Variants in TAS2R1 observed in about 807,000 individuals in gnomAD.
The protein encoded by TAS2R1 is taste 2 receptor member 1, also known as taste receptor type 2 member 1.
For missense variants in TAS2R1, 370 were observed against 353.4 expected (o/e 1.05, Z -0.38); for synonymous variants, 141 against 134.2 (o/e 1.05, Z -0.35).
At chr5:9,882,970 C>T in the TAS2R1 span, among the ~76,000 whole-genome samples, 1,666 of 152,260 alleles carry the variant, frequency 0.011, 32 homozygotes, top group African/African-American at 0.038. Flanking sequence ...GACATTGGAT[C>T]ATCCCAAACA....
chr5:9,854,813 C>T, the TAS2R1 span, among the ~76,000 whole-genome samples: 1 of 152,104 alleles, frequency 6.6e-6, no homozygotes, highest in African/African-American at 2.4e-5. Flanking sequence ...AATAAAGGCC[C>T]ATTGATCTTT....
the TAS2R1 span, among the ~76,000 whole-genome samples, chr5:9,754,472 C>T: frequency 3.9e-5 from 6 of 152,180 alleles, no homozygotes; most frequent in Admixed American, 6.5e-5. Context: ...TCCCTGTTTG[C>T]AGACGACATG....
the TAS2R1 span, among the ~76,000 whole-genome samples, chr5:9,829,546 A>T: frequency 1.3e-5 from 2 of 152,332 alleles, no homozygotes; most frequent in South Asian, 4.1e-4. Context: ...TTGTACTGTG[A>T]TTACTGAAAT....
chr5:9,633,892 G>T (rs1739922453), upstream of TAS2R1, among the ~76,000 whole-genome samples: 2 of 151,624 alleles, frequency 1.3e-5, no homozygotes, highest in Non-Finnish European at 2.9e-5. Context: ...CCTATTCTGT[G>T]GGTCATCTGT....
the TAS2R1 span, among the ~76,000 whole-genome samples, chr5:9,813,832 A>G: frequency 6.6e-6 from 1 of 152,182 alleles, no homozygotes; most frequent in Non-Finnish European, 1.5e-5. Flanking sequence ...TCTGCCTCCT[A>G]ACCCTCCAGA....
In TAS2R1 at chr5:9,693,764, A is replaced by T. The variant is rs1376321965; in HGVS notation, c.-242+18408T>A. On this transcript the variant is annotated intron_variant, in intron 1 of 2. Transcript: ENST00000506620. ...TGTCCCCAGAGTAAGACTGCCGACT[A>T]CGTTGCCTTTTAAAAAAATAGGTAT... 2.6e-5 allele frequency among the ~76,000 whole-genome samples: 4 copies of T among 152,272 alleles called. No individual in the cohort carries two copies. The East Asian group carries it at 7.7e-4, about 29-fold the overall frequency.
rs1449488568 is a variant in TAS2R1 at position 9,628,696 on chromosome 5, G to A, written c.*437C>T. ...GTCAGGAAAAACCATCAAAGACAAGGCGTCAGATATTCATGGACCATACAG... is the reference window on the plus strand; with the variant it reads ...GTCAGGAAAAACCATCAAAGACAAGACGTCAGATATTCATGGACCATACAG... On this transcript the variant is annotated 3_prime_UTR_variant, in exon 1 of 1. Coordinates refer to ENST00000382492, the MANE Select transcript of TAS2R1 (RefSeq NM_019599.3). 6.6e-6 allele frequency among the ~76,000 whole-genome samples: 1 copy of A among 152,138 alleles called. No homozygotes were observed. The highest frequency in any genetic ancestry group is 1.5e-5 in the Non-Finnish European group (1 of 68,030).
chr5:9,704,153 C>T (rs1394823471), intron 1 of TAS2R1, among the ~76,000 whole-genome samples: 1 of 152,152 alleles, frequency 6.6e-6, no homozygotes, highest in Non-Finnish European at 1.5e-5. Flanking sequence ...TCCCCTATCA[C>T]TAGACAGAGC....
Position 9,629,907 on chromosome 5 carries a change from A to G in TAS2R1, c.126T>C (p.Ala42=). ...GACAAGAAAGAAGGAGATCCAGCGG[A>G]GCCATTTTTCTGTGCTTGATCAAGT... is the stretch of plus-strand genomic sequence containing the variant. The part of the protein sequence containing the change: ...GIDLIKHRKM[A]PLDLLLSCLA... The change falls in exon 1 of 1, where the codon GCT becomes GCC. Residue 42 remains alanine (A), a synonymous_variant. Coordinates refer to ENST00000382492, the MANE Select transcript of TAS2R1 (RefSeq NM_019599.3). The G allele has an allele frequency of 6.2e-7, 1 of 1,614,078 alleles. No homozygotes were observed. The highest frequency in any genetic ancestry group is 8.5e-7 in the Non-Finnish European group (1 of 1,180,022).
At chr5:9,892,227 T>C in the TAS2R1 span, among the ~76,000 whole-genome samples, 1 of 152,206 alleles carries the variant, frequency 6.6e-6, no homozygotes, top group Non-Finnish European at 1.5e-5. Context: ...AGGGCCATCC[T>C]TGTAGGCTGC....
At chr5:9,691,348 C>A (rs923650757) in intron 1 of TAS2R1, among the ~76,000 whole-genome samples, 1 of 152,250 alleles carries the variant, frequency 6.6e-6, no homozygotes, top group Non-Finnish European at 1.5e-5. Flanking sequence ...GGGAGTGTGA[C>A]CCCGCTGGCA....
chr5:9,699,861 T>G (rs1238664148), intron 1 of TAS2R1, among the ~76,000 whole-genome samples: 4 of 152,192 alleles, frequency 2.6e-5, no homozygotes, highest in African/African-American at 4.8e-5. Flanking sequence ...ATGATTCATT[T>G]TTTTCTTAAA....
chr5:9,831,537 G>A, the TAS2R1 span, among the ~76,000 whole-genome samples: 6 of 151,772 alleles, frequency 4.0e-5, no homozygotes, highest in Admixed American at 2.0e-4. Context: ...AAGATTAAAC[G>A]TGAGTATGGG....
chr5:9,839,803 A>C, the TAS2R1 span, among the ~76,000 whole-genome samples: 1 of 152,146 alleles, frequency 6.6e-6, no homozygotes, highest in Non-Finnish European at 1.5e-5. Flanking sequence ...ACAGGTAATT[A>C]CATATTTAAA....
intron 2 of TAS2R1, among the ~76,000 whole-genome samples, chr5:9,639,714 C>A (rs866573647): frequency 2.6e-5 from 4 of 152,326 alleles, no homozygotes; most frequent in Middle Eastern, 3.4e-3. Flanking sequence ...TGCTGCTTTA[C>A]CTTGTACTTT....
intron 2 of TAS2R1, among the ~76,000 whole-genome samples, chr5:9,640,667 A>G (rs1394824897): frequency 6.6e-6 from 1 of 152,112 alleles, no homozygotes; most frequent in African/African-American, 2.4e-5. Context: ...TGTCCTTTCT[A>G]TTGCAAATCT....
upstream of TAS2R1, chr5:9,712,215 A>AC (rs1245059374): frequency 6.6e-6 from 1 of 152,176 alleles, no homozygotes; most frequent in African/African-American, 2.4e-5. Context: ...TCCCAGGTCT[A>AC]CAGGGCAGTG....
At chr5:9,854,180 G>A in the TAS2R1 span, among the ~76,000 whole-genome samples, 1 of 152,000 alleles carries the variant, frequency 6.6e-6, no homozygotes, top group Non-Finnish European at 1.5e-5. Context: ...GTGTTGCTTG[G>A]CTTGTAGACA....
the TAS2R1 span, chr5:9,903,741 G>C: frequency 6.6e-6 from 1 of 152,186 alleles, no homozygotes; most frequent in Non-Finnish European, 1.5e-5. Flanking sequence ...TGGTGGAGGG[G>C]AGTTAAGTGG....
Sources: allele counts gnomAD v4.1 joint callset (sites outside exome capture counted in the v4.1 genomes callset), GRCh38; gene constraint gnomAD v4.1.1; transcripts MANE v1.5; gene names NCBI Gene and HGNC (gene_info 2026-07-23, HGNC 2026-07-21).